The following LANCL2 variants were observed in gnomAD, a reference collection of about 807,000 sequenced individuals.
The protein encoded by LANCL2 is lanC-like protein 2.
LANCL2 carries 33 observed loss-of-function variants against 56.9 expected under a neutral mutation model. The observed-to-expected ratio is 0.58, with a 90% CI of 0.44 to 0.78. LANCL2 has a LOEUF of 0.78. Ranked by LOEUF, LANCL2 falls within the 30% of genes least tolerant of loss-of-function variation. The pLI is 0.00. For synonymous variants in LANCL2, 233 were observed against 228.2 expected, an observed-to-expected ratio of 1.02 and a Z score of -0.19; for missense variants, 562 against 580.2, an observed-to-expected ratio of 0.97 and a Z score of 0.32.
chr7:55,381,590 A>C (rs78309775), intron 1 of LANCL2, among the ~76,000 whole-genome samples: 2 of 152,384 alleles, frequency 1.3e-5, no homozygotes, highest in East Asian at 1.9e-4. Flanking sequence ...GTTACCTGCT[A>C]TCTGTAGAAC....
At chr7:55,369,014 C>T (rs1789907328) in intron 1 of LANCL2, among the ~76,000 whole-genome samples, 1 of 152,008 alleles carries the variant, frequency 6.6e-6, no homozygotes, top group Non-Finnish European at 1.5e-5. Context: ...AAGAAAGAGA[C>T]ATAGGGAGAA....
intron 1 of LANCL2, among the ~76,000 whole-genome samples, chr7:55,391,302 G>GCCACCGCGCCCGGCCTGAA (rs1386715343): frequency 1.3e-5 from 2 of 152,266 alleles, no homozygotes; most frequent in Admixed American, 6.5e-5. Context: ...ACAGGCGTGA[G>GCCACCGCGCCCGGCCTGAA]CCACCGCGCC....
chr7:55,382,331 C>A (rs1241620342), intron 1 of LANCL2, among the ~76,000 whole-genome samples: 1 of 152,092 alleles, frequency 6.6e-6, no homozygotes, highest in Non-Finnish European at 1.5e-5. Context: ...TATTTTAGAA[C>A]TGATAAATAC....
chr7:55,398,709 CTA>C, intron 3 of LANCL2, 79 bp downstream of exon 3: 1 of 1,113,168 alleles, frequency 9.0e-7, no homozygotes, highest in Non-Finnish European at 1.3e-6. Context: ...AGAAAGGAAA[CTA>C]TTTTTCCATT....
rs180784531 is a variant in LANCL2, at chr7:55,425,390, G to A, written c.1145G>A (p.Arg382His). ...GGCTATTCCTTCCTGTCCCTTTACCGTCTCACGCAGGATAAGAAGTACCTC... is the reference window on the plus strand; with the variant it reads ...GGCTATTCCTTCCTGTCCCTTTACCATCTCACGCAGGATAAGAAGTACCTC... Reference protein sequence around the residue: ...GNGYSFLSLYRLTQDKKYLYR... With the variant: ...GNGYSFLSLYHLTQDKKYLYR... The change falls in exon 7 of 9, where the codon CGT becomes CAT. Residue 382 changes from arginine (R) to histidine (H), a missense_variant. Arg to His is a conservative substitution (Grantham distance 29). Coordinates refer to ENST00000254770, the MANE Select transcript of LANCL2 (RefSeq NM_018697.4). The A allele has an allele frequency of 5.1e-5, 82 of 1,614,108 alleles. 1 individual carries two copies. In the African/African-American group the frequency reaches 5.3e-4, roughly 10 times the overall value.
At chr7:55,383,688 A>G (rs1016612006) in intron 1 of LANCL2, among the ~76,000 whole-genome samples, 3 of 152,196 alleles carry the variant, frequency 2.0e-5, no homozygotes, top group Admixed American at 6.5e-5. Context: ...ATTTCTGAAT[A>G]ACTCCTATAA....
intron 1 of LANCL2, among the ~76,000 whole-genome samples, chr7:55,374,607 G>A (rs1230617323): frequency 6.6e-6 from 1 of 151,994 alleles, no homozygotes; most frequent in Non-Finnish European, 1.5e-5. Flanking sequence ...GGGGACTTTT[G>A]TTTTATTCAT....
chr7:55,365,746 G>A lies in LANCL2; in HGVS notation c.-280G>A, dbSNP rs1174223903. The A allele has an allele frequency of 3.1e-6, 1 of 322,792 alleles. No homozygotes were observed. Among genetic ancestry groups the A allele is most frequent in the Non-Finnish European group, 5.7e-6 (1 of 176,866 alleles). The allele number at this position is 322,792 out of a possible 1,614,324, so 20.0% of individuals were successfully genotyped here. On this transcript the variant is annotated 5_prime_UTR_variant, in exon 1 of 9. Transcript: ENST00000254770. ...AGGCGCGAGCAGGCTGTGAGCCGCT[G>A]GGCGCTCCCGCGAGCCCGCTCCTCT...
At chr7:55,410,447 A>G (rs140958775) in intron 5 of LANCL2, among the ~76,000 whole-genome samples, 2 of 152,236 alleles carry the variant, frequency 1.3e-5, no homozygotes, top group Non-Finnish European at 2.9e-5. Flanking sequence ...TTTTAATAAA[A>G]TTAACTTTTT....
chr7:55,402,775 G>A (rs13229427), intron 5 of LANCL2, among the ~76,000 whole-genome samples: 3,702 of 110,914 alleles, frequency 0.033, 998 homozygotes, highest in African/African-American at 0.13. Flanking sequence ...GGCGGTTGCC[G>A]GGCGGAGGGT....
intron 1 of LANCL2, among the ~76,000 whole-genome samples, chr7:55,375,318 G>T (rs755753213): frequency 3.3e-5 from 5 of 152,202 alleles, no homozygotes; most frequent in Non-Finnish European, 7.3e-5. Flanking sequence ...ATTTTAGAAA[G>T]AGAATGATTG....
chr7:55,386,612 A>G (rs1275414824), intron 1 of LANCL2, among the ~76,000 whole-genome samples: 7 of 152,304 alleles, frequency 4.6e-5, no homozygotes, highest in Non-Finnish European at 7.4e-5. Flanking sequence ...GACCCTGAAG[A>G]AAGACGGACT....
intron 2 of LANCL2, among the ~76,000 whole-genome samples, chr7:55,393,349 A>G (rs1790213567): frequency 6.6e-6 from 1 of 152,216 alleles, no homozygotes; most frequent in Non-Finnish European, 1.5e-5. Flanking sequence ...CCTGGGCAAC[A>G]TGGCAAAACC....
intron 5 of LANCL2, among the ~76,000 whole-genome samples, chr7:55,410,762 G>A (rs1010720409): frequency 2.0e-5 from 3 of 151,846 alleles, no homozygotes; most frequent in Non-Finnish European, 2.9e-5. Context: ...ACCCTAAGAC[G>A]TTTGTGTGGT....
At chr7:55,428,093 A>G (rs1790684861) in intron 7 of LANCL2, 2 of 459,906 alleles carry the variant, frequency 4.3e-6, no homozygotes, top group East Asian at 6.7e-5. Context: ...GGCAGGAGGA[A>G]GGTGCCAGGG....
intron 1 of LANCL2, among the ~76,000 whole-genome samples, chr7:55,385,756 T>C (rs1220797978): frequency 6.6e-6 from 1 of 152,162 alleles, no homozygotes; most frequent in Non-Finnish European, 1.5e-5. Context: ...AGACAGGGTT[T>C]TGAGATCAAC....
chr7:55,393,917 AACATAG>A (rs1790219734), intron 2 of LANCL2, among the ~76,000 whole-genome samples: 1 of 152,252 alleles, frequency 6.6e-6, no homozygotes. Context: ...GAAGGAAAAT[AACATAG>A]CTATTAGTCT....
chr7:55,425,490 G>A, intron 7 of LANCL2, 60 bp downstream of exon 7: 1 of 1,487,176 alleles, frequency 6.7e-7, no homozygotes, highest in Non-Finnish European at 9.3e-7. Flanking sequence ...AGAATCCAGA[G>A]TCCAGAAGTA....
chr7:55,412,573 A>G (rs945006519), intron 6 of LANCL2, among the ~76,000 whole-genome samples: 1 of 152,220 alleles, frequency 6.6e-6, no homozygotes, highest in Non-Finnish European at 1.5e-5. Context: ...CTGGGGTACT[A>G]TAGGAAAATT....
Sources: gnomAD v4.1 joint callset for allele counts (sites outside exome capture counted in the v4.1 genomes callset) on GRCh38, gnomAD v4.1.1 for gene constraint, MANE v1.5 for transcripts, NCBI Gene and HGNC (gene_info 2026-07-23, HGNC 2026-07-21) for gene names.